NTRK2: variants seen among roughly 807,000 people sequenced by gnomAD.
NTRK2 encodes BDNF/NT-3 growth factors receptor.
Under a neutral mutation model 94.5 loss-of-function variants are expected in NTRK2, and 13 were observed. The observed-to-expected ratio is 0.14, with a 90% CI of 0.09 to 0.22. The LOEUF (loss-of-function observed/expected upper bound fraction) is 0.22. Among genes scored for constraint, NTRK2 ranks in the 10% least tolerant of loss-of-function variants. NTRK2 has a pLI of 1.00. For missense variants in NTRK2, 639 were observed against 1,071.2 expected (o/e 0.60, Z 5.63); for synonymous variants, 372 against 407.4 (o/e 0.91, Z 1.05).
chr9:84,928,276 T>C (rs2077892999), intron 14 of NTRK2, among the ~76,000 whole-genome samples: 1 of 152,246 alleles, frequency 6.6e-6, no homozygotes, highest in Non-Finnish European at 1.5e-5. Context: ...TGCTAATACA[T>C]GAAGATATTT....
At chr9:84,688,766 G>A (rs538999365) in intron 2 of NTRK2, among the ~76,000 whole-genome samples, 1 of 152,348 alleles carries the variant, frequency 6.6e-6, no homozygotes. Context: ...TGCCTGAAAA[G>A]TTCCTTTCCT....
chr9:84,974,523 T>C (rs1427337683), intron 17 of NTRK2, among the ~76,000 whole-genome samples: 1 of 152,222 alleles, frequency 6.6e-6, no homozygotes, highest in Admixed American at 6.5e-5. Context: ...CCCAAGAGTT[T>C]TCTTTACCTT....
chr9:84,702,199 G>T lies in NTRK2; in HGVS notation c.253G>T (p.Asp85Tyr), dbSNP rs768737791. 3 of 1,614,102 alleles carry T rather than the reference G, an allele frequency of 1.9e-6. No homozygotes were observed. In the South Asian group the frequency reaches 3.3e-5, roughly 18 times the overall value. Residue 85 changes from aspartate (D) to tyrosine (Y), a missense_variant, in exon 3 of 19, where the codon GAT (aspartate) becomes TAT (tyrosine). Coordinates refer to ENST00000277120, the MANE Select transcript of NTRK2 (RefSeq NM_006180.6). ...NQKRLEIINEDDVEAYVGLRN... is the reference protein window; with the variant it reads ...NQKRLEIINEYDVEAYVGLRN... ...GAAAAGGTTAGAAATCATCAACGAA[G>T]ATGATGTTGAAGCTTATGTGGGACT...
chr9:84,972,132 G>A (rs1218645900), intron 17 of NTRK2, among the ~76,000 whole-genome samples: 1 of 152,164 alleles, frequency 6.6e-6, no homozygotes, highest in African/African-American at 2.4e-5. Context: ...GAGAGCTGGG[G>A]ACATTTGGGT....
chr9:84,680,356 G>A (rs1469311386), intron 2 of NTRK2, among the ~76,000 whole-genome samples: 1 of 152,118 alleles, frequency 6.6e-6, no homozygotes, highest in East Asian at 1.9e-4. Context: ...ACTTCCTATG[G>A]TAGCAGTAAT....
At chr9:84,725,904 AG>A (rs1383755947) in intron 8 of NTRK2, among the ~76,000 whole-genome samples, 1 of 152,178 alleles carries the variant, frequency 6.6e-6, no homozygotes, top group Non-Finnish European at 1.5e-5. Flanking sequence ...TCAGCTGCAC[AG>A]GTGCTCAGTT....
chr9:84,900,193 C>T (rs563358848), intron 14 of NTRK2, among the ~76,000 whole-genome samples: 11 of 152,126 alleles, frequency 7.2e-5, no homozygotes, highest in African/African-American at 1.2e-4. Context: ...TGATCACGTT[C>T]GGAAAATGAG....
At chr9:84,767,136 C>A (rs1391519220) in intron 12 of NTRK2, among the ~76,000 whole-genome samples, 4 of 152,132 alleles carry the variant, frequency 2.6e-5, no homozygotes, top group African/African-American at 9.7e-5. Context: ...ACAGTCTAAT[C>A]TACTCTAAGG....
intron 2 of NTRK2, among the ~76,000 whole-genome samples, chr9:84,675,875 T>A (rs931840611): frequency 2.0e-5 from 3 of 152,194 alleles, no homozygotes; most frequent in Non-Finnish European, 2.9e-5. Context: ...AGGTCCCATA[T>A]AACTGGGTGC....
At chr9:84,678,927 G>A (rs2059225208) in intron 2 of NTRK2, among the ~76,000 whole-genome samples, 1 of 152,200 alleles carries the variant, frequency 6.6e-6, no homozygotes, top group Non-Finnish European at 1.5e-5. Flanking sequence ...AAATTCATGT[G>A]TTGAAACTCA....
chr9:84,738,586 C>G (rs1282900669), intron 9 of NTRK2, among the ~76,000 whole-genome samples: 1 of 152,096 alleles, frequency 6.6e-6, no homozygotes, highest in Non-Finnish European at 1.5e-5. Context: ...GGAGGTTTTG[C>G]TAAACTAGGA....
chr9:84,999,156 T>A (rs1336320384), intron 17 of NTRK2, among the ~76,000 whole-genome samples: 1 of 152,198 alleles, frequency 6.6e-6, no homozygotes, highest in Non-Finnish European at 1.5e-5. Context: ...GCTCATTAAG[T>A]CCATTTGAGC....
chr9:84,782,018 A>G (rs952204345), intron 12 of NTRK2, among the ~76,000 whole-genome samples: 2 of 148,772 alleles, frequency 1.3e-5, no homozygotes, highest in African/African-American at 2.5e-5. Flanking sequence ...TTAAAGGATT[A>G]TAAGATGGCC....
At chr9:84,871,917 T>G (rs1464727141) in intron 14 of NTRK2, 11 of 1,610,432 alleles carry the variant, frequency 6.8e-6, no homozygotes, top group Admixed American at 1.7e-5. Context: ...TATCTGCAAA[T>G]TCTGGCCAGA....
At chr9:84,808,821 T>A (rs1198078884) in intron 12 of NTRK2, among the ~76,000 whole-genome samples, 1 of 152,206 alleles carries the variant, frequency 6.6e-6, no homozygotes, top group Non-Finnish European at 1.5e-5. Context: ...TAGACTCTTT[T>A]AGCATTGTTG....
Position 84,694,834 on chromosome 9 carries a change from T to A in NTRK2, c.213-7325T>A, listed in dbSNP as rs148126081. On this transcript the variant is annotated intron_variant, in intron 2 of 18. Coordinates refer to ENST00000277120, the MANE Select transcript of NTRK2 (RefSeq NM_006180.6). ...TATCTAGAGATGATAGATAGATTGA[T>A]AGATATCATCTGGAGATGATAGATT... Among the ~76,000 whole-genome samples, 37 of 152,116 alleles carry A rather than the reference T, an allele frequency of 2.4e-4. No individual in the cohort carries two copies. The East Asian group carries it at 6.6e-3, about 27-fold the overall frequency.
intron 14 of NTRK2, among the ~76,000 whole-genome samples, chr9:84,931,416 A>AAGAG (rs60534679): frequency 0.011 from 1,579 of 147,878 alleles, 13 homozygotes; most frequent in Admixed American, 0.017. Context: ...CAAAAAAAAA[A>AAGAG]AGAGAGAGAG....
chr9:84,930,422 G>A (rs897927329), intron 14 of NTRK2, among the ~76,000 whole-genome samples: 7 of 152,150 alleles, frequency 4.6e-5, no homozygotes, highest in African/African-American at 1.4e-4. Context: ...AGGTGGTGCA[G>A]GGTAATGGCT....
At chr9:84,957,540 G>T (rs182943309) in intron 17 of NTRK2, among the ~76,000 whole-genome samples, 219 of 152,234 alleles carry the variant, frequency 1.4e-3, no homozygotes, top group African/African-American at 5.1e-3. Context: ...AAAATGCAAA[G>T]AAAACTCACA....
Sources: gnomAD v4.1 joint callset for allele counts (sites outside exome capture counted in the v4.1 genomes callset) on GRCh38, gnomAD v4.1.1 for gene constraint, MANE v1.5 for transcripts, NCBI Gene and HGNC (gene_info 2026-07-23, HGNC 2026-07-21) for gene names.